Variants in PLCB1 observed in about 807,000 individuals in gnomAD.
The protein encoded by PLCB1 is 1-phosphatidylinositol 4,5-bisphosphate phosphodiesterase beta-1.
Under a neutral mutation model 161.8 loss-of-function variants are expected in PLCB1, and 46 were observed. The observed-to-expected ratio is 0.28, with a 90% CI of 0.22 to 0.36. The LOEUF is 0.36. Among genes scored for constraint, PLCB1 ranks in the 10% least tolerant of loss-of-function variants. The probability of loss-of-function intolerance (pLI) is 1.00; values close to 1 mark genes in which losing one functional copy is unlikely to be tolerated. For synonymous variants in PLCB1, 517 were observed against 503.7 expected (o/e 1.03, Z -0.35); for missense variants, 1,016 against 1,472.5 (o/e 0.69, Z 5.07).
chr20:8,546,569 G>A (rs964037544), intron 3 of PLCB1, among the ~76,000 whole-genome samples: 3 of 152,056 alleles, frequency 2.0e-5, no homozygotes, highest in African/African-American at 7.2e-5. Flanking sequence ...GCTCTAGGGG[G>A]GAGGTAATGT....
At position 8,646,100 on chromosome 20, in the gene PLCB1, A is replaced by G; in HGVS notation, c.385-2A>G. The G allele has an allele frequency of 6.2e-7, 1 of 1,601,436 alleles. No individual in the cohort carries two copies. The highest frequency in any genetic ancestry group is 8.6e-7 in the Non-Finnish European group (1 of 1,168,356). On this transcript the variant is annotated splice_acceptor_variant, in intron 4 of 31. Transcript: ENST00000338037. LOFTEE classifies it high-confidence loss of function. ...AATGCAAGTGTTATTTACATTTTTC[A>G]GGAATGGACAAATGAGGTTTTCAGT...
At chr20:8,324,589 TCCTTGGAA>T (rs1188985143) in intron 2 of PLCB1, among the ~76,000 whole-genome samples, 1 of 152,132 alleles carries the variant, frequency 6.6e-6, no homozygotes, top group African/African-American at 2.4e-5. Flanking sequence ...ACTCCAAGGG[TCCTTGGAA>T]CCTGGGGACT....
At chr20:8,188,363 G>A (rs1006198792) in intron 2 of PLCB1, among the ~76,000 whole-genome samples, 1 of 152,114 alleles carries the variant, frequency 6.6e-6, no homozygotes, top group South Asian at 2.1e-4. Context: ...CACAGGGAAG[G>A]ATGAAGTACT....
intron 3 of PLCB1, among the ~76,000 whole-genome samples, chr20:8,407,564 C>A (rs922894882): frequency 5.3e-5 from 8 of 152,206 alleles, no homozygotes; most frequent in Admixed American, 4.6e-4. Context: ...CTCGTCAGAT[C>A]TCTTAAGACT....
chr20:8,584,052 G>C (rs562679619), intron 3 of PLCB1, among the ~76,000 whole-genome samples: 1 of 152,096 alleles, frequency 6.6e-6, no homozygotes, highest in African/African-American at 2.4e-5. Flanking sequence ...AGAGAAAAAC[G>C]ATATTGGTTT....
intron 2 of PLCB1, among the ~76,000 whole-genome samples, chr20:8,245,432 A>G (rs577966231): frequency 1.3e-5 from 2 of 152,044 alleles, no homozygotes; most frequent in South Asian, 4.1e-4. Flanking sequence ...CACCCAGTAA[A>G]ACTTCATGGA....
chr20:8,727,414 G>A (rs375399298), intron 17 of PLCB1, 21 bp downstream of exon 17: 5 of 1,272,744 alleles, frequency 3.9e-6, no homozygotes, highest in Non-Finnish European at 5.7e-6. Context: ...TTTGACGAAT[G>A]ACTGCAGAAT....
intron 12 of PLCB1, among the ~76,000 whole-genome samples, chr20:8,715,330 C>A (rs1007417735): frequency 6.6e-6 from 1 of 152,216 alleles, no homozygotes; most frequent in Non-Finnish European, 1.5e-5. Flanking sequence ...AGTTACTGGG[C>A]GTAGGATTTG....
At chr20:8,661,046 A>C (rs1261566739) in intron 9 of PLCB1, among the ~76,000 whole-genome samples, 4 of 152,186 alleles carry the variant, frequency 2.6e-5, no homozygotes, top group African/African-American at 9.7e-5. Context: ...GGAAAGAAGA[A>C]TCTGGGCCTG....
intron 3 of PLCB1, among the ~76,000 whole-genome samples, chr20:8,415,500 G>A (rs1979229948): frequency 6.6e-6 from 1 of 152,196 alleles, no homozygotes; most frequent in Non-Finnish European, 1.5e-5. Context: ...TGGATTATTT[G>A]AAAGTGATCC....
chr20:8,639,889 A>G (rs1988885053), intron 4 of PLCB1, among the ~76,000 whole-genome samples: 1 of 130,410 alleles, frequency 7.7e-6, no homozygotes, highest in South Asian at 2.4e-4. Context: ...AAATTAGAAG[A>G]CAAGAAAAAA....
Position 8,644,958 on chromosome 20 carries a change from A to T in PLCB1, c.385-1144A>T, listed in dbSNP as rs529472166. Among the ~76,000 whole-genome samples, 380 of 152,276 alleles carry T rather than the reference A, an allele frequency of 2.5e-3. 1 individual carries two copies. Among genetic ancestry groups the T allele is most frequent in the Non-Finnish European group, 4.6e-3 (310 of 68,018 alleles). On this transcript the variant is annotated intron_variant, in intron 4 of 31. Coordinates refer to ENST00000338037, the MANE Select transcript of PLCB1 (RefSeq NM_015192.4). Reference sequence around the variant, plus strand: ...CTGTGTAGAAAGAGGTAGACATGGGAGACTTTTCATTTTGTTCTGTACTAA... The same window carrying T: ...CTGTGTAGAAAGAGGTAGACATGGGTGACTTTTCATTTTGTTCTGTACTAA...
At chr20:8,552,834 C>G (rs1244322421) in intron 3 of PLCB1, among the ~76,000 whole-genome samples, 1 of 152,118 alleles carries the variant, frequency 6.6e-6, no homozygotes, top group African/African-American at 2.4e-5. Context: ...TGGCCCTGTG[C>G]TCCCAGCTGC....
intron 2 of PLCB1, 77 bp from the exon 3 acceptor site, chr20:8,371,305 T>A (rs555759158): frequency 8.3e-5 from 75 of 906,152 alleles, no homozygotes; most frequent in Admixed American, 7.6e-4. Flanking sequence ...ATAATTTTTT[T>A]AAGTGATGTC....
At chr20:8,536,503 G>C (rs887173309) in intron 3 of PLCB1, among the ~76,000 whole-genome samples, 1 of 152,122 alleles carries the variant, frequency 6.6e-6, no homozygotes, top group African/African-American at 2.4e-5. Context: ...AGGCTCTGCT[G>C]GGTGGTTCTC....
intron 19 of PLCB1, among the ~76,000 whole-genome samples, chr20:8,735,175 G>T (rs536168746): frequency 6.6e-6 from 1 of 152,288 alleles, no homozygotes; most frequent in African/African-American, 2.4e-5. Context: ...GTCAATTGTT[G>T]TTATAGTTCG....
At chr20:8,620,747 C>CAAAAAAAAAAAAAAAAAAAAA (rs779029928) in intron 3 of PLCB1, among the ~76,000 whole-genome samples, 6 of 75,246 alleles carry the variant, frequency 8.0e-5, no homozygotes, top group African/African-American at 1.6e-4. Flanking sequence ...CTGCCCCCAC[C>CAAAAAAAAAAAAAAAAAAAAA]AAAAAAAAAA....
At chr20:8,772,376 A>G (rs534347343) in intron 26 of PLCB1, among the ~76,000 whole-genome samples, 9 of 152,336 alleles carry the variant, frequency 5.9e-5, no homozygotes, top group Non-Finnish European at 1.2e-4. Context: ...TCTTAAGAGC[A>G]CAGGTGTTGC....
rs896570111 is a variant in PLCB1, at chr20:8,390,268, G to T, written c.246+18818G>T. ...GGCCTTTCTCCTCGGCTTACAGATG[G>T]CTGCCTTCCCCGCATCTTCACGTGG... On this transcript the variant is annotated intron_variant, in intron 3 of 31. Transcript: ENST00000338037. 1.4e-4 allele frequency among the ~76,000 whole-genome samples: 22 copies of T among 152,230 alleles called. No homozygotes were observed. The East Asian group carries it at 4.2e-3, about 29-fold the overall frequency.
Sources: allele counts gnomAD v4.1 joint callset (sites outside exome capture counted in the v4.1 genomes callset), GRCh38; gene constraint gnomAD v4.1.1; transcripts MANE v1.5; gene names NCBI Gene and HGNC (gene_info 2026-07-23, HGNC 2026-07-21).